CLIC4: variants seen among roughly 807,000 people sequenced by gnomAD.
CLIC4 encodes the protein CLIC family member 4.
Under a neutral mutation model 24.6 loss-of-function variants are expected in CLIC4, and 13 were observed. The observed-to-expected ratio is 0.53, with a 90% CI of 0.34 to 0.84. The LOEUF is 0.84. CLIC4 is among the 40% of genes least tolerant of loss of function. The probability of loss-of-function intolerance (pLI) is 0.01; values close to 1 mark genes in which losing one functional copy is unlikely to be tolerated. For missense variants in CLIC4, 227 were observed against 301.7 expected (o/e 0.75, Z 1.83); for synonymous variants, 104 against 111.3 (o/e 0.93, Z 0.41).
chr1:24,781,728 C>T (rs1218151029), intron 1 of CLIC4, among the ~76,000 whole-genome samples: 4 of 150,720 alleles, frequency 2.7e-5, no homozygotes, highest in Admixed American at 6.6e-5. Flanking sequence ...AGTGCAGTGG[C>T]GCGATCTCGG....
At chr1:24,760,128 G>A (rs1224956376) in intron 1 of CLIC4, among the ~76,000 whole-genome samples, 1 of 152,216 alleles carries the variant, frequency 6.6e-6, no homozygotes, top group Non-Finnish European at 1.5e-5. Context: ...CACTTTGGGA[G>A]GCTGAGGCAG....
At chr1:24,827,676 A>T (rs1479591514) in intron 4 of CLIC4, among the ~76,000 whole-genome samples, 1 of 151,930 alleles carries the variant, frequency 6.6e-6, no homozygotes, top group African/African-American at 2.4e-5. Context: ...TGCATCTTCA[A>T]GCTGGAATTT....
At chr1:24,773,149 A>AG (rs1639092780) in intron 1 of CLIC4, among the ~76,000 whole-genome samples, 1 of 151,928 alleles carries the variant, frequency 6.6e-6, no homozygotes, top group African/African-American at 2.4e-5. Flanking sequence ...CTTTTTTCAC[A>AG]CTTCACCTGG....
chr1:24,823,819 C>T (rs1167354629), intron 3 of CLIC4, among the ~76,000 whole-genome samples: 1 of 149,592 alleles, frequency 6.7e-6, no homozygotes, highest in Non-Finnish European at 1.5e-5. Context: ...ATTTACAAGG[C>T]TAATCAGCCT....
intron 4 of CLIC4, among the ~76,000 whole-genome samples, chr1:24,828,028 G>A (rs753000390): frequency 6.6e-6 from 1 of 152,156 alleles, no homozygotes; most frequent in Non-Finnish European, 1.5e-5. Context: ...GGATTCTTTT[G>A]AGAAGAAGTT....
At chr1:24,801,928 A>G (rs1008433006) in intron 2 of CLIC4, among the ~76,000 whole-genome samples, 1 of 152,206 alleles carries the variant, frequency 6.6e-6, no homozygotes, top group Non-Finnish European at 1.5e-5. Flanking sequence ...TTGGGCAGAG[A>G]TGTAAGAATG....
intron 1 of CLIC4, among the ~76,000 whole-genome samples, chr1:24,794,725 C>T (rs1325009631): frequency 2.0e-5 from 3 of 152,100 alleles, no homozygotes; most frequent in East Asian, 1.9e-4. Flanking sequence ...TGTCAACTTT[C>T]GTTGCAATTG....
At chr1:24,789,786 A>T in intron 1 of CLIC4, among the ~76,000 whole-genome samples, 1 of 148,908 alleles carries the variant, frequency 6.7e-6, no homozygotes. Context: ...TACATCTTCT[A>T]TTTTTTTTGC....
At chr1:24,782,285 A>C (rs537036455) in intron 1 of CLIC4, among the ~76,000 whole-genome samples, 1 of 152,210 alleles carries the variant, frequency 6.6e-6, no homozygotes, top group African/African-American at 2.4e-5. Context: ...AGAAAATATT[A>C]AACAGGTGCT....
At chr1:24,754,807 C>G (rs1226145836) in intron 1 of CLIC4, among the ~76,000 whole-genome samples, 6 of 152,066 alleles carry the variant, frequency 3.9e-5, no homozygotes, top group Non-Finnish European at 5.9e-5. Context: ...TGCCATGGCT[C>G]ACACCTGTAA....
At chr1:24,820,248 T>C (rs1269450771) in intron 3 of CLIC4, among the ~76,000 whole-genome samples, 1 of 136,634 alleles carries the variant, frequency 7.3e-6, no homozygotes, top group Non-Finnish European at 1.6e-5. Context: ...TATGTCCCAC[T>C]TCTAGGTCCC....
intron 2 of CLIC4, among the ~76,000 whole-genome samples, chr1:24,813,600 G>A (rs1639638815): frequency 6.7e-6 from 1 of 148,390 alleles, no homozygotes; most frequent in East Asian, 2.0e-4. Context: ...TATATTTTTA[G>A]CAGAGATGGG....
chr1:24,829,507 G>T (rs1323366021), intron 4 of CLIC4, among the ~76,000 whole-genome samples: 1 of 152,190 alleles, frequency 6.6e-6, no homozygotes, highest in Non-Finnish European at 1.5e-5. Context: ...TTGTGGGGAT[G>T]TATTAAGTAT....
rs1332861200 is a variant in CLIC4 at position 24,773,746 on chromosome 1, A to G, written c.73-23996A>G. ...TGAGTAGCTAGGACTAAAGGTGTGT[A>G]CTACCATATCTGGCTAATTTTCTTA... On this transcript the variant is annotated intron_variant, in intron 1 of 5. Transcript: ENST00000374379. Among the ~76,000 whole-genome samples the G allele has an allele frequency of 2.6e-5, 4 of 151,752 alleles. 1 individual carries two copies. The highest frequency in any genetic ancestry group is 3.9e-4 in the East Asian group (2 of 5,168).
chr1:24,753,716 C>T (rs1471721791), intron 1 of CLIC4, among the ~76,000 whole-genome samples: 1 of 152,090 alleles, frequency 6.6e-6, no homozygotes, highest in Non-Finnish European at 1.5e-5. Context: ...ATTTTCCTAA[C>T]TTTTTTCATT....
At chr1:24,817,910 G>A (rs1351664615) in intron 3 of CLIC4, among the ~76,000 whole-genome samples, 1 of 152,094 alleles carries the variant, frequency 6.6e-6, no homozygotes, top group African/African-American at 2.4e-5. Flanking sequence ...GAAAGACAGG[G>A]GAACAGCAAT....
intron 2 of CLIC4, 38 bp downstream of exon 2, chr1:24,797,889 A>T: frequency 7.3e-7 from 1 of 1,375,240 alleles, no homozygotes; most frequent in Non-Finnish European, 1.0e-6. Context: ...ACTTAAGCTG[A>T]ACTATCTTTT....
At chr1:24,788,601 A>G (rs1251936414) in intron 1 of CLIC4, among the ~76,000 whole-genome samples, 4 of 152,172 alleles carry the variant, frequency 2.6e-5, no homozygotes, top group Admixed American at 2.6e-4. Context: ...TCACTTATTC[A>G]AGTTACAGCA....
intron 2 of CLIC4, among the ~76,000 whole-genome samples, chr1:24,808,739 C>T (rs1015592699): frequency 3.5e-4 from 52 of 150,330 alleles, no homozygotes; most frequent in Non-Finnish European, 5.3e-4. Flanking sequence ...TGCAGTGGCG[C>T]GATCTCGGCT....
Sources: gnomAD v4.1 joint callset for allele counts (sites outside exome capture counted in the v4.1 genomes callset) on GRCh38, gnomAD v4.1.1 for gene constraint, MANE v1.5 for transcripts, NCBI Gene and HGNC (gene_info 2026-07-23, HGNC 2026-07-21) for gene names.